Variants in DOCK1 observed in about 807,000 individuals in gnomAD.
DOCK1 encodes dedicator of cytokinesis protein 1.
In DOCK1, 138 loss-of-function variants were observed where a neutral mutation model predicts 262.7. That is an observed-to-expected ratio of 0.53 (90% CI 0.46 to 0.61). DOCK1 has a LOEUF of 0.61. Among genes scored for constraint, DOCK1 ranks in the 20% least tolerant of loss-of-function variants. DOCK1 has a pLI of 0.00. For synonymous variants in DOCK1, 866 were observed against 867.4 expected (o/e 1.00, Z 0.03); for missense variants, 1,908 against 2,370.7 (o/e 0.80, Z 4.05).
chr10:126,912,690 T>C (rs1039312733), intron 1 of DOCK1, among the ~76,000 whole-genome samples: 40 of 146,182 alleles, frequency 2.7e-4, no homozygotes, highest in Admixed American at 4.2e-4. Flanking sequence ...CGCGCCACCG[T>C]ACTCCAGCCT....
chr10:127,397,640 G>A (rs890450296), intron 38 of DOCK1, among the ~76,000 whole-genome samples: 5 of 151,960 alleles, frequency 3.3e-5, no homozygotes, highest in African/African-American at 7.3e-5. Context: ...TGAGTTACAC[G>A]GGCAGCGACT....
At chr10:127,010,534 C>T (rs2041348944) in intron 11 of DOCK1, among the ~76,000 whole-genome samples, 1 of 152,172 alleles carries the variant, frequency 6.6e-6, no homozygotes, top group Non-Finnish European at 1.5e-5. Flanking sequence ...GGTCCTGTTT[C>T]AAGTGTTCAG....
chr10:127,259,761 G>A (rs1177925072), intron 29 of DOCK1, among the ~76,000 whole-genome samples: 1 of 151,454 alleles, frequency 6.6e-6, no homozygotes, highest in Non-Finnish European at 1.5e-5. Flanking sequence ...CGTTTAGGAG[G>A]GAATAGTCAA....
rs1172414753 is a variant in DOCK1, at chr10:127,175,113, C to G, written c.2847+47349C>G. 9.5e-7 allele frequency: 1 copy of G among 1,053,004 alleles called. No homozygotes were observed. Among genetic ancestry groups the G allele is most frequent in the African/African-American group, 1.6e-5 (1 of 62,806 alleles). 65.2% of individuals were successfully genotyped at this position (1,053,004 alleles called of 1,614,324 possible). A position where few individuals can be genotyped will look rare whatever the true frequency, so the allele number is the denominator to read the frequency against. On this transcript the variant is annotated intron_variant, in intron 27 of 51. Coordinates refer to ENST00000623213, the MANE Select transcript of DOCK1 (RefSeq NM_001290223.2). This position sits in a 1 kb window ranked among gnomAD's most constrained non-coding sequence, Gnocchi z 6.3. ...AGACTATGACCTGTTTACGGAAATG[C>G]TGGCTTTAGTCTCATTACAGACTTG...
intron 27 of DOCK1, among the ~76,000 whole-genome samples, chr10:127,245,413 A>G (rs1311214198): frequency 6.6e-6 from 1 of 152,256 alleles, no homozygotes; most frequent in African/African-American, 2.4e-5. Flanking sequence ...GAGATGGCCC[A>G]TCCTTCTGGC....
intron 1 of DOCK1, among the ~76,000 whole-genome samples, chr10:126,952,995 A>G (rs1384681558): frequency 1.4e-5 from 2 of 142,834 alleles, no homozygotes; most frequent in Non-Finnish European, 3.0e-5. Context: ...ATAGTTAGTG[A>G]TGTAGTGTTG....
intron 37 of DOCK1, among the ~76,000 whole-genome samples, chr10:127,383,770 G>C (rs1032697239): frequency 1.3e-5 from 2 of 152,204 alleles, no homozygotes; most frequent in Non-Finnish European, 2.9e-5. Flanking sequence ...ACAGGGTCAA[G>C]CTCCCTCTCC....
chr10:127,238,966 C>T (rs1400980723), intron 27 of DOCK1, among the ~76,000 whole-genome samples: 1 of 152,180 alleles, frequency 6.6e-6, no homozygotes, highest in Admixed American at 6.5e-5. Flanking sequence ...AGGGAAGCTT[C>T]AATTTCCCCT....
intron 23 of DOCK1, among the ~76,000 whole-genome samples, chr10:127,085,874 T>G (rs1416083863): frequency 6.6e-6 from 1 of 152,214 alleles, no homozygotes; most frequent in Non-Finnish European, 1.5e-5. Context: ...CCATTTTTCT[T>G]ATTGTATCAC....
intron 12 of DOCK1, among the ~76,000 whole-genome samples, chr10:127,017,749 G>C (rs1424012938): frequency 1.3e-5 from 2 of 152,184 alleles, no homozygotes; most frequent in Non-Finnish European, 2.9e-5. Context: ...CTCAGGGACA[G>C]AGCACCCCCA....
intron 23 of DOCK1, among the ~76,000 whole-genome samples, chr10:127,074,057 C>G (rs970320418): frequency 2.0e-5 from 3 of 152,046 alleles, no homozygotes; most frequent in African/African-American, 7.2e-5. Context: ...ATAGCATTAT[C>G]AAGAGGGAAA....
At chr10:127,253,349 C>A (rs750506314) in intron 28 of DOCK1, among the ~76,000 whole-genome samples, 1 of 152,202 alleles carries the variant, frequency 6.6e-6, no homozygotes, top group African/African-American at 2.4e-5. Flanking sequence ...CCTACACTCT[C>A]ACACTTCTGT....
chr10:127,154,715 C>T (rs983602703), intron 27 of DOCK1, among the ~76,000 whole-genome samples: 4 of 152,096 alleles, frequency 2.6e-5, no homozygotes, highest in African/African-American at 4.8e-5. Flanking sequence ...CCCCTGAGGC[C>T]GGGCAGATTT....
chr10:127,229,540 C>T (rs1208653097), intron 27 of DOCK1, among the ~76,000 whole-genome samples: 2 of 152,148 alleles, frequency 1.3e-5, no homozygotes, highest in African/African-American at 2.4e-5. Flanking sequence ...CCAGGTCCAT[C>T]TATGTTGTTC....
chr10:127,108,932 T>G (rs922061420), intron 24 of DOCK1, among the ~76,000 whole-genome samples: 1 of 152,348 alleles, frequency 6.6e-6, no homozygotes, highest in East Asian at 1.9e-4. Context: ...CCGGGCTTTT[T>G]GAATACAAAG....
intron 28 of DOCK1, among the ~76,000 whole-genome samples, chr10:127,252,230 G>C (rs1244475682): frequency 1.3e-4 from 18 of 135,706 alleles, no homozygotes; most frequent in East Asian, 4.3e-4. Context: ...TTTTGATGGG[G>C]TTGTTTGTTT....
At chr10:127,361,655 G>A (rs538799199) in intron 32 of DOCK1, among the ~76,000 whole-genome samples, 13 of 152,096 alleles carry the variant, frequency 8.5e-5, no homozygotes, top group Non-Finnish European at 1.5e-4. Context: ...CTCATTTGTC[G>A]GCTCCTGTTC....
intron 27 of DOCK1, among the ~76,000 whole-genome samples, chr10:127,168,639 G>A (rs1254714582): frequency 6.6e-6 from 1 of 152,202 alleles, no homozygotes; most frequent in Non-Finnish European, 1.5e-5. Flanking sequence ...TCTCTATTAA[G>A]TGGGTAGGTT....
chr10:127,400,489 T>C (rs2067158760), intron 38 of DOCK1, among the ~76,000 whole-genome samples: 1 of 152,180 alleles, frequency 6.6e-6, no homozygotes, highest in Non-Finnish European at 1.5e-5. Context: ...GAAGTGCTGC[T>C]ATGTGGCCAT....
Sources: gnomAD v4.1 joint callset for allele counts (sites outside exome capture counted in the v4.1 genomes callset) on GRCh38, gnomAD v4.1.1 for gene constraint, Gnocchi (gnomAD v3.1) non-coding constraint, MANE v1.5 for transcripts, NCBI Gene and HGNC (gene_info 2026-07-23, HGNC 2026-07-21) for gene names.